Variants in EBF2 observed in about 807,000 individuals in gnomAD.
The protein encoded by EBF2 is EBF transcription factor 2, also known as transcription factor COE2.
Under a neutral mutation model 72.8 loss-of-function variants are expected in EBF2, and 21 were observed. That is an observed-to-expected ratio of 0.29 (90% confidence interval 0.20 to 0.42). The LOEUF (loss-of-function observed/expected upper bound fraction) is 0.42, where lower values mean the gene tolerates loss of function less well. Among genes scored for constraint, EBF2 ranks in the 10% least tolerant of loss-of-function variants. The probability of loss-of-function intolerance (pLI) is 1.00; values close to 1 mark genes in which losing one functional copy is unlikely to be tolerated. For missense variants in EBF2, 637 were observed against 731.2 expected, an observed-to-expected ratio of 0.87 and a Z score of 1.49; for synonymous variants, 299 against 274.2, an observed-to-expected ratio of 1.09 and a Z score of -0.89.
intron 6 of EBF2, among the ~76,000 whole-genome samples, chr8:25,964,104 C>A (rs1804076950): frequency 6.6e-6 from 1 of 152,068 alleles, no homozygotes; most frequent in South Asian, 2.1e-4. Context: ...CAGGCATACC[C>A]CGCACCTAAA....
chr8:25,893,720 T>C (rs1802821547), intron 7 of EBF2, among the ~76,000 whole-genome samples: 1 of 152,156 alleles, frequency 6.6e-6, no homozygotes, highest in Non-Finnish European at 1.5e-5. Context: ...TGTCCATTAA[T>C]ACTCCCCACA....
At chr8:25,883,772 G>A (rs566177949) in intron 10 of EBF2, among the ~76,000 whole-genome samples, 6 of 152,070 alleles carry the variant, frequency 3.9e-5, no homozygotes, top group Admixed American at 2.0e-4. Flanking sequence ...CTCCTTATAG[G>A]CCAGCTCCAT....
At chr8:25,891,509 CA>C (rs890588436) in intron 7 of EBF2, among the ~76,000 whole-genome samples, 1 of 151,866 alleles carries the variant, frequency 6.6e-6, no homozygotes, top group African/African-American at 2.4e-5. Flanking sequence ...CAAATTAAAA[CA>C]GTTGATATTC....
At position 26,033,268 on chromosome 8, in the gene EBF2, C is replaced by CTG. The variant is rs1323981010; in HGVS notation, c.483-117_483-116dup. 4 of 997,082 alleles carry CTG rather than the reference C, an allele frequency of 4.0e-6. No homozygotes were observed. In the Admixed American group the frequency reaches 5.8e-5, roughly 14 times the overall value. The allele number at this position is 997,082 out of a possible 1,614,324, so 61.8% of individuals were successfully genotyped here. A position where few individuals can be genotyped will look rare whatever the true frequency, so the allele number is the denominator to read the frequency against. ...GACAGAGTCTGGCTCTGTCACCAGG[C>CTG]TGTAGTACAATGGCTTGATGCCTCC... On this transcript the variant is annotated intron_variant, in intron 5 of 15. Transcript: ENST00000520164.
intron 14 of EBF2, among the ~76,000 whole-genome samples, chr8:25,852,397 C>A (rs1802000657): frequency 1.3e-5 from 2 of 152,098 alleles, no homozygotes; most frequent in Admixed American, 1.3e-4. Context: ...CTTAGGAGGC[C>A]CTGATTCTAC....
intron 5 of EBF2, among the ~76,000 whole-genome samples, chr8:26,037,930 C>T (rs1427653075): frequency 2.6e-5 from 4 of 152,170 alleles, no homozygotes; most frequent in Non-Finnish European, 4.4e-5. Context: ...TAAAACCATC[C>T]GGGGAAGTGC....
chr8:26,001,795 C>T (rs541008472), intron 6 of EBF2, among the ~76,000 whole-genome samples: 1 of 152,062 alleles, frequency 6.6e-6, no homozygotes, highest in African/African-American at 2.4e-5. Flanking sequence ...GTGATCTGCC[C>T]GCCTCGGCCT....
At chr8:25,891,978 C>T (rs187175070) in intron 7 of EBF2, among the ~76,000 whole-genome samples, 14 of 152,122 alleles carry the variant, frequency 9.2e-5, no homozygotes, top group Admixed American at 8.5e-4. Flanking sequence ...CATAATGAAT[C>T]CCCAGTACTT....
intron 6 of EBF2, among the ~76,000 whole-genome samples, chr8:25,958,123 G>A (rs977242578): frequency 1.3e-5 from 2 of 152,108 alleles, no homozygotes; most frequent in Non-Finnish European, 2.9e-5. Context: ...GAGGCATCCC[G>A]GTTATTTCTA....
At chr8:26,039,734 G>T (rs1465732984) in intron 5 of EBF2, among the ~76,000 whole-genome samples, 1 of 152,208 alleles carries the variant, frequency 6.6e-6, no homozygotes, top group Non-Finnish European at 1.5e-5. Context: ...TGCCCAGCCC[G>T]CTTCCACCAC....
intron 10 of EBF2, among the ~76,000 whole-genome samples, chr8:25,868,964 C>T (rs1025005739): frequency 6.6e-6 from 1 of 152,104 alleles, no homozygotes; most frequent in Non-Finnish European, 1.5e-5. Flanking sequence ...ATTTACTATT[C>T]TTAGATTTTC....
intron 11 of EBF2, among the ~76,000 whole-genome samples, chr8:25,862,196 G>A (rs1393917565): frequency 6.6e-6 from 1 of 152,142 alleles, no homozygotes; most frequent in Non-Finnish European, 1.5e-5. Flanking sequence ...ACTTTTTAAA[G>A]AAAGCTAACA....
rs374507528 is a variant in EBF2, at chr8:25,887,860, A to G, written c.864T>C (p.Thr288=). Residue 288 remains threonine, a synonymous_variant, in exon 9 of 16, where the codon ACT becomes ACC. Transcript: ENST00000520164. ...TGCTTACCTCGCTCCATACAAGCAT[A>G]GTCCCAAACACCACTTGGAGACCAT... The part of the protein sequence containing the change: ...FFDGLQVVFG[T]MLVWSELITP... 3.5e-5 allele frequency: 57 copies of G among 1,611,814 alleles called. No individual in the cohort carries two copies. The highest frequency in any genetic ancestry group is 4.4e-5 in the Non-Finnish European group (52 of 1,179,130).
chr8:25,860,934 C>T lies in EBF2; in HGVS notation c.1342+115G>A, dbSNP rs916238641. On this transcript the variant is annotated intron_variant, in intron 13 of 15. Coordinates refer to ENST00000520164, the MANE Select transcript of EBF2 (RefSeq NM_022659.4). ...AATAACCCAATCTATGATTGTATTG[C>T]CTATCTGTGGACACACTCTGTTGGA... is the stretch of plus-strand genomic sequence containing the variant. 13 of 1,099,714 alleles carry T rather than the reference C, an allele frequency of 1.2e-5. No homozygotes were observed. In the African/African-American group the frequency reaches 2.0e-4, roughly 17 times the overall value. The allele number at this position is 1,099,714 out of a possible 1,614,324, so 68.1% of individuals were successfully genotyped here.
intron 10 of EBF2, among the ~76,000 whole-genome samples, chr8:25,876,174 ACACCGCATGTTCT>A (rs1379300795): frequency 2.6e-5 from 4 of 152,190 alleles, no homozygotes; most frequent in African/African-American, 7.2e-5. Flanking sequence ...ACAAAACCAA[ACACCGCATGTTCT>A]CACTCATAAG....
In EBF2 at chr8:25,842,059, GAAGTA is replaced by G. The variant is rs1180483566; in HGVS notation, c.*2545_*2549del. On this transcript the variant is annotated 3_prime_UTR_variant, in exon 16 of 16. Transcript: ENST00000520164. The stretch of plus-strand genomic sequence containing the variant: ...CTATAACAAAAGAAAGATAAATAAT[GAAGTA>G]AATTGTCCCTTTAAATGAAAAAAAT... 1.3e-5 allele frequency: 2 copies of G among 152,080 alleles called. No homozygotes were observed. Among genetic ancestry groups the G allele is most frequent in the Non-Finnish European group, 2.9e-5 (2 of 68,008 alleles). 9.4% of individuals were successfully genotyped at this position (152,080 alleles called of 1,614,324 possible). A position where few individuals can be genotyped will look rare whatever the true frequency, so the allele number is the denominator to read the frequency against.
rs750386519 is a variant in EBF2, at chr8:25,942,132, G to A, written c.552-33577C>T. 9.5e-4 allele frequency among the ~76,000 whole-genome samples: 145 copies of A among 152,154 alleles called. 1 individual carries two copies. The highest frequency in any genetic ancestry group is 1.2e-3 in the Non-Finnish European group (85 of 68,024). ...GACAGAGGTGAGCACAGAGAGCACC[G>A]GAAACACGCAGGGGGAAGCACAAGC... On this transcript the variant is annotated intron_variant, in intron 6 of 15. Transcript: ENST00000520164.
intron 6 of EBF2, among the ~76,000 whole-genome samples, chr8:25,920,411 G>C (rs1345872977): frequency 6.6e-6 from 1 of 152,222 alleles, no homozygotes; most frequent in African/African-American, 2.4e-5. Context: ...GCAGAATTGA[G>C]AGTCAGAAAA....
chr8:26,040,849 A>T (rs917723675), intron 3 of EBF2, 90 bp downstream of exon 3: 4 of 1,578,042 alleles, frequency 2.5e-6, no homozygotes, highest in Non-Finnish European at 2.6e-6. Context: ...GCTCCATGCG[A>T]TCCCTGAGAG....
Sources: gnomAD v4.1 joint callset for allele counts (sites outside exome capture counted in the v4.1 genomes callset) on GRCh38, gnomAD v4.1.1 for gene constraint, MANE v1.5 for transcripts, NCBI Gene and HGNC (gene_info 2026-07-23, HGNC 2026-07-21) for gene names.